The following ST8SIA6 variants were observed in gnomAD, a reference collection of about 807,000 sequenced individuals.
ST8SIA6 encodes alpha-2,8-sialyltransferase 8F.
ST8SIA6 carries 39 observed loss-of-function variants against 33.6 expected under a neutral mutation model. That is an observed-to-expected ratio of 1.16 (90% CI 0.90 to 1.52). ST8SIA6 has a LOEUF of 1.52. ST8SIA6 is among the 40% of genes most tolerant of loss of function. ST8SIA6 has a pLI of 0.00. For synonymous variants in ST8SIA6, 172 were observed against 167.2 expected (o/e 1.03, Z -0.22); for missense variants, 441 against 443.8 (o/e 0.99, Z 0.06).
intron 2 of ST8SIA6, among the ~76,000 whole-genome samples, chr10:17,436,034 C>T (rs926282671): frequency 2.6e-5 from 4 of 152,182 alleles, no homozygotes; most frequent in Non-Finnish European, 4.4e-5. Context: ...AAACAATGTG[C>T]TGTAACCCTA....
Position 17,358,983 on chromosome 10 carries a change from T to G in ST8SIA6, c.377+531A>C, listed in dbSNP as rs185281999. On this transcript the variant is annotated intron_variant, in intron 4 of 7. Transcript: ENST00000377602. ...TCCTGTCTGGATGGGCTACAAGTTT[T>G]CCAGCTACAGCCCTATAATGGTCAA... 1.4e-3 allele frequency among the ~76,000 whole-genome samples: 207 copies of G among 152,316 alleles called. 6 individuals carry two copies. Among genetic ancestry groups the G allele is most frequent in the Admixed American group, 0.013 (206 of 15,294 alleles).
At chr10:17,396,884 C>G (rs978109587) in intron 2 of ST8SIA6, among the ~76,000 whole-genome samples, 1 of 152,182 alleles carries the variant, frequency 6.6e-6, no homozygotes, top group African/African-American at 2.4e-5. Flanking sequence ...CAACATTTGC[C>G]ATTTGACCCC....
chr10:17,340,906 C>T (rs576245567), intron 4 of ST8SIA6, among the ~76,000 whole-genome samples: 131 of 152,338 alleles, frequency 8.6e-4, no homozygotes, highest in Middle Eastern at 3.4e-3. Flanking sequence ...CCAGCCTCCA[C>T]ACACAGTCTT....
intron 2 of ST8SIA6, 53 bp from the exon 3 acceptor site, chr10:17,390,673 A>T: frequency 7.0e-7 from 1 of 1,426,326 alleles, no homozygotes; most frequent in Non-Finnish European, 9.8e-7. Context: ...AGAGCTTATA[A>T]GATATTGTTA....
At chr10:17,411,938 CCTCA>C (rs1851465138) in intron 2 of ST8SIA6, among the ~76,000 whole-genome samples, 1 of 151,294 alleles carries the variant, frequency 6.6e-6, no homozygotes, top group East Asian at 1.9e-4. Flanking sequence ...TTTTTTCTGC[CCTCA>C]CTCCTAACTC....
intron 4 of ST8SIA6, among the ~76,000 whole-genome samples, chr10:17,354,618 G>A (rs1849136224): frequency 6.6e-6 from 1 of 152,064 alleles, no homozygotes. Context: ...ATTCATAGCG[G>A]AAACTTAGAA....
chr10:17,373,356 A>C lies in ST8SIA6; in HGVS notation c.291-13756T>G, dbSNP rs917996016. 2.6e-5 allele frequency among the ~76,000 whole-genome samples: 4 copies of C among 152,326 alleles called. No individual in the cohort carries two copies. In the East Asian group the frequency reaches 7.7e-4, roughly 29 times the overall value. ...TGAATATGGGATGTATGTTACATAT[A>C]TAGCACATGCATTTGACTCCCCCTT... On this transcript the variant is annotated intron_variant, in intron 3 of 7. Transcript: ENST00000377602.
chr10:17,372,728 T>C (rs1056482274), intron 3 of ST8SIA6, among the ~76,000 whole-genome samples: 1 of 152,214 alleles, frequency 6.6e-6, no homozygotes, highest in African/African-American at 2.4e-5. Context: ...CCCATGACTA[T>C]GTAACAAATT....
At chr10:17,446,704 G>A (rs17446301) in intron 2 of ST8SIA6, among the ~76,000 whole-genome samples, 3 of 152,130 alleles carry the variant, frequency 2.0e-5, no homozygotes, top group East Asian at 3.9e-4. Context: ...AGAACTATGC[G>A]AGACAGAAAA....
intron 2 of ST8SIA6, among the ~76,000 whole-genome samples, chr10:17,396,284 A>G (rs1252510587): frequency 6.6e-6 from 1 of 152,086 alleles, no homozygotes; most frequent in African/African-American, 2.4e-5. Context: ...ATATTCCTAT[A>G]CCTGACTCAT....
Position 17,390,557 on chromosome 10 carries a change from A to G in ST8SIA6, c.264T>C (p.Ile88=). 6.2e-7 allele frequency: 1 copy of G among 1,614,020 alleles called. No individual in the cohort carries two copies. Among genetic ancestry groups the G allele is most frequent in the South Asian group, 1.1e-5 (1 of 91,064 alleles). ...CTTTCGTTTTGTTAGAGAAAGACTC[A>G]ATGCCATATTGCAGATTTTTGCATT... ...TEKCKNLQYG[I]ESFSNKTKGY... is the part of the protein sequence containing the mutation. Residue 88 remains isoleucine (I), a synonymous_variant, in exon 3 of 8, where the codon ATT becomes ATC. Transcript: ENST00000377602.
intron 2 of ST8SIA6, among the ~76,000 whole-genome samples, chr10:17,439,204 T>G (rs1479372221): frequency 4.6e-5 from 7 of 152,166 alleles, no homozygotes; most frequent in African/African-American, 1.4e-4. Context: ...GGTATTCAGC[T>G]TTTTACACAT....
At chr10:17,453,094 A>T (rs959707909) in intron 2 of ST8SIA6, among the ~76,000 whole-genome samples, 5 of 152,186 alleles carry the variant, frequency 3.3e-5, no homozygotes, top group Non-Finnish European at 5.9e-5. Flanking sequence ...AAGAAAAAAA[A>T]TTTAAGCCTC....
chr10:17,351,118 C>A (rs1849017111), intron 4 of ST8SIA6, among the ~76,000 whole-genome samples: 1 of 152,094 alleles, frequency 6.6e-6, no homozygotes, highest in African/African-American at 2.4e-5. Flanking sequence ...CAGCATCTCT[C>A]TTCTAATTGC....
At chr10:17,376,284 T>C (rs185555755) in intron 3 of ST8SIA6, among the ~76,000 whole-genome samples, 78 of 152,294 alleles carry the variant, frequency 5.1e-4, no homozygotes, top group African/African-American at 1.8e-3. Context: ...TGAATCAACA[T>C]CTGGGGGAAA....
intron 2 of ST8SIA6, among the ~76,000 whole-genome samples, chr10:17,402,180 G>A (rs1340501648): frequency 6.6e-6 from 1 of 152,192 alleles, no homozygotes; most frequent in Non-Finnish European, 1.5e-5. Context: ...ATGAAAAAAT[G>A]CTCATCATCA....
At position 17,319,458 on chromosome 10, in the gene ST8SIA6, C is replaced by G. The variant is rs577192690; in HGVS notation, c.*1420G>C. Among the ~76,000 whole-genome samples the G allele has an allele frequency of 1.3e-5, 2 of 152,160 alleles. No individual in the cohort carries two copies. Among genetic ancestry groups the G allele is most frequent in the South Asian group, 4.2e-4 (2 of 4,804 alleles). On this transcript the variant is annotated 3_prime_UTR_variant, in exon 8 of 8. Coordinates refer to ENST00000377602, the MANE Select transcript of ST8SIA6 (RefSeq NM_001004470.3). Reference sequence around the variant, plus strand: ...TAGGATGGCAACACAGATGTCGAACCAGAAACTTCAGATGTGTTAACTTGG... The same window carrying G: ...TAGGATGGCAACACAGATGTCGAACGAGAAACTTCAGATGTGTTAACTTGG...
intron 3 of ST8SIA6, among the ~76,000 whole-genome samples, chr10:17,389,209 C>T (rs1006051723): frequency 6.6e-5 from 10 of 152,176 alleles, no homozygotes; most frequent in Non-Finnish European, 1.0e-4. Flanking sequence ...CCCGATCCAA[C>T]GCTCAGGGAG....
Position 17,319,226 on chromosome 10 carries a change from C to T in ST8SIA6, c.*1652G>A, listed in dbSNP as rs945297251. Among the ~76,000 whole-genome samples the T allele has an allele frequency of 9.9e-5, 15 of 152,166 alleles. No individual in the cohort carries two copies. Among genetic ancestry groups the T allele is most frequent in the African/African-American group, 2.7e-4 (11 of 41,438 alleles). On this transcript the variant is annotated 3_prime_UTR_variant, in exon 8 of 8. Coordinates refer to ENST00000377602, the MANE Select transcript of ST8SIA6 (RefSeq NM_001004470.3). Reference sequence around the variant, plus strand: ...ATAAAACATGCGTCACAGTTCTTGTCGCTCTGTAATGGTGAGTTACTGCAA... The same window carrying T: ...ATAAAACATGCGTCACAGTTCTTGTTGCTCTGTAATGGTGAGTTACTGCAA...
Sources: allele counts gnomAD v4.1 joint callset (sites outside exome capture counted in the v4.1 genomes callset), GRCh38; gene constraint gnomAD v4.1.1; transcripts MANE v1.5; gene names NCBI Gene and HGNC (gene_info 2026-07-23, HGNC 2026-07-21).